The following NCAPD2 variants were observed in gnomAD, a reference collection of about 807,000 sequenced individuals.
NCAPD2 encodes the protein non-SMC condensin I complex subunit D2, also known as condensin complex subunit 1.
Under a neutral mutation model 164.5 loss-of-function variants are expected in NCAPD2, and 100 were observed. The observed-to-expected ratio is 0.61, with a 90% CI of 0.52 to 0.72. The LOEUF (loss-of-function observed/expected upper bound fraction) is 0.72. NCAPD2 is among the 30% of genes least tolerant of loss of function. NCAPD2 has a pLI of 0.00. For synonymous variants in NCAPD2, 585 were observed against 642.6 expected (o/e 0.91, Z 1.36); for missense variants, 1,560 against 1,749.2 (o/e 0.89, Z 1.93).
chr12:6,509,407 G>A (rs534381695), intron 2 of NCAPD2, among the ~76,000 whole-genome samples: 3 of 152,058 alleles, frequency 2.0e-5, no homozygotes, highest in African/African-American at 7.2e-5. Flanking sequence ...GATTACAGGC[G>A]CCTGCTACCA....
chr12:6,520,473 G>A (rs1946254366), intron 13 of NCAPD2, among the ~76,000 whole-genome samples: 1 of 145,954 alleles, frequency 6.9e-6, no homozygotes, highest in Non-Finnish European at 1.5e-5. Flanking sequence ...CACACCCACA[G>A]GCACACACCA....
At chr12:6,518,531 T>TTTTTTTA (rs1298158383) in intron 13 of NCAPD2, among the ~76,000 whole-genome samples, 5 of 137,026 alleles carry the variant, frequency 3.6e-5, no homozygotes, top group Non-Finnish European at 7.7e-5. Context: ...TTTTTTTTTT[T>TTTTTTTA]TTTGAGATGG....
At chr12:6,519,764 A>G (rs956814532) in intron 13 of NCAPD2, among the ~76,000 whole-genome samples, 5 of 151,914 alleles carry the variant, frequency 3.3e-5, no homozygotes, top group African/African-American at 1.2e-4. Context: ...GCTACTTGGG[A>G]GGCTGAGGCA....
chr12:6,519,355 G>C (rs1160334600), intron 13 of NCAPD2, among the ~76,000 whole-genome samples: 1 of 151,730 alleles, frequency 6.6e-6, no homozygotes, highest in African/African-American at 2.4e-5. Context: ...ATTAGAAAAG[G>C]ATTGTTTGTT....
At chr12:6,526,245 G>A in intron 19 of NCAPD2, 42 bp from the exon 20 acceptor site, 4 of 1,614,128 alleles carry the variant, frequency 2.5e-6, no homozygotes, top group Non-Finnish European at 3.4e-6. Context: ...AGATTCTCGT[G>A]TCCACCCTGT....
At chr12:6,518,503 A>ATTTTTTTTTTTTTTTTTTTTT (rs1565544079) in intron 13 of NCAPD2, among the ~76,000 whole-genome samples, 1 of 30,714 alleles carries the variant, frequency 3.3e-5, no homozygotes, top group Non-Finnish European at 5.9e-5. Context: ...GCCGTCAACA[A>ATTTTTTTTTTTTTTTTTTTTT]GTTTTTTTTT....
At chr12:6,520,191 A>AAAAT (rs1555139807) in intron 13 of NCAPD2, among the ~76,000 whole-genome samples, 1 of 149,520 alleles carries the variant, frequency 6.7e-6, no homozygotes, top group African/African-American at 2.5e-5. Context: ...TAAAAAAAAA[A>AAAAT]ATATATATAT....
rs73042367 is a variant in NCAPD2, at chr12:6,495,028, G to C, written c.-23-48G>C. On this transcript the variant is annotated intron_variant, in intron 1 of 31. Transcript: ENST00000315579. ...GGAAAGTAATAGAACCAGATACGAA[G>C]ACAGGTCTTGAATATAGACCCTGAC... 4,334 of 1,575,912 alleles carry C rather than the reference G, an allele frequency of 2.8e-3. 12 individuals carry two copies. Among genetic ancestry groups the C allele is most frequent in the Middle Eastern group, 0.014 (82 of 5,808 alleles).
chr12:6,522,667 A>G (rs1039543683), intron 15 of NCAPD2, among the ~76,000 whole-genome samples, 161 bp from the exon 16 acceptor site: 3 of 152,164 alleles, frequency 2.0e-5, no homozygotes, highest in Admixed American at 2.0e-4. Context: ...ATTTTAATGC[A>G]TATAGTATTT....
rs77124462 is a variant in NCAPD2 at position 6,515,087 on chromosome 12, G to A, written c.987+167G>A. Among the ~76,000 whole-genome samples, 63 of 152,302 alleles carry A rather than the reference G, an allele frequency of 4.1e-4. No individual in the cohort carries two copies. The East Asian group carries it at 0.012, about 28-fold the overall frequency. On this transcript the variant is annotated intron_variant, in intron 9 of 31. Coordinates refer to ENST00000315579, the MANE Select transcript of NCAPD2 (RefSeq NM_014865.4). ...GCAGGTCAAGTTTGTTGAATAAGGA[G>A]CTCTTTATTAATCTGTTAATCTTTC... is the stretch of plus-strand genomic sequence containing the variant.
intron 4 of NCAPD2, 45 bp downstream of exon 4, chr12:6,510,178 G>A (rs769736670): frequency 1.6e-5 from 24 of 1,521,484 alleles, no homozygotes; most frequent in Admixed American, 6.7e-5. Flanking sequence ...GTTTGTTATC[G>A]TTTGTTTGTT....
chr12:6,522,068 C>T lies in NCAPD2; in HGVS notation c.1954+31C>T, dbSNP rs199750346. ...CCAGAGTCCCTTTCTATAAGGACAG[C>T]CTTGGGGTTCTTTTGGATTTTTTAA... On this transcript the variant is annotated intron_variant, in intron 15 of 31. Transcript: ENST00000315579. 309 of 1,579,440 alleles carry T rather than the reference C, an allele frequency of 2.0e-4. 1 individual carries two copies. Among genetic ancestry groups the T allele is most frequent in the Admixed American group, 7.3e-4 (38 of 52,110 alleles).
At chr12:6,518,504 G>GTTTTTTTTTTTTTGTTTTTTTTT (rs1946227029) in intron 13 of NCAPD2, among the ~76,000 whole-genome samples, 1 of 44,774 alleles carries the variant, frequency 2.2e-5, no homozygotes, top group African/African-American at 1.0e-4. Context: ...CCGTCAACAA[G>GTTTTTTTTTTTTTGTTTTTTTTT]TTTTTTTTTT....
Position 6,531,122 on chromosome 12 carries a change from G to A in NCAPD2, c.4120+46G>A. 1 of 1,608,494 alleles carries A rather than the reference G, an allele frequency of 6.2e-7. No homozygotes were observed. Among genetic ancestry groups the A allele is most frequent in the South Asian group, 1.1e-5 (1 of 90,634 alleles). On this transcript the variant is annotated intron_variant, in intron 31 of 31. Coordinates refer to ENST00000315579, the MANE Select transcript of NCAPD2 (RefSeq NM_014865.4). This position sits in a 1 kb window ranked among gnomAD's most constrained non-coding sequence, Gnocchi z 4.1. Reference sequence around the variant, plus strand: ...CCCGGCCGAGAAGGCACACAGCTAGGGTGCAGAGGGCTGGTTTCCATAGGA... The same window carrying A: ...CCCGGCCGAGAAGGCACACAGCTAGAGTGCAGAGGGCTGGTTTCCATAGGA...
At chr12:6,522,130 T>G (rs1946269160) in intron 15 of NCAPD2, 93 bp downstream of exon 15, 2 of 1,382,002 alleles carry the variant, frequency 1.4e-6, no homozygotes, top group Non-Finnish European at 9.8e-7. Context: ...GATGGGGCCT[T>G]CCTTTGTTGC....
chr12:6,530,611 A>G lies in NCAPD2; in HGVS notation c.3838-80A>G, dbSNP rs1946361766. The G allele has an allele frequency of 5.7e-6, 9 of 1,578,334 alleles. 1 individual carries two copies. Among genetic ancestry groups the G allele is most frequent in the Middle Eastern group, 1.7e-4 (1 of 5,930 alleles). On this transcript the variant is annotated intron_variant, in intron 29 of 31. Transcript: ENST00000315579. ...TTAGTAATGTGCGTTTAAGGCCTCC[A>G]TGTCTTCCATGGCCTTGTTTCTTTT...
intron 2 of NCAPD2, among the ~76,000 whole-genome samples, chr12:6,498,451 CAGTAGGACCCTTATCCCAGG>C (rs1946003934): frequency 6.6e-6 from 1 of 152,134 alleles, no homozygotes; most frequent in South Asian, 2.1e-4. Flanking sequence ...ATATGTAGTA[CAGTAGGACCCTTATCCCAGG>C]AGATATATTC....
chr12:6,526,716 T>C, intron 21 of NCAPD2, 101 bp downstream of exon 21: 2 of 1,482,756 alleles, frequency 1.3e-6, no homozygotes, highest in Non-Finnish European at 1.8e-6. Flanking sequence ...ACCCTTAGTG[T>C]ACACTGTGTC....
Position 6,495,698 on chromosome 12 carries a change from G to A in NCAPD2, c.127+473G>A, listed in dbSNP as rs145734286. Among the ~76,000 whole-genome samples the A allele has an allele frequency of 2.6e-3, 400 of 152,284 alleles. 1 individual carries two copies. The highest frequency in any genetic ancestry group is 9.0e-3 in the African/African-American group (374 of 41,568). On this transcript the variant is annotated intron_variant, in intron 2 of 31. Transcript: ENST00000315579. ...TATATGTACAGTGCAGTCACCTACT[G>A]AAACCTGTAAATGATCAAAAGCACC... is the stretch of plus-strand genomic sequence containing the variant.
Sources: allele counts gnomAD v4.1 joint callset (sites outside exome capture counted in the v4.1 genomes callset), GRCh38; gene constraint gnomAD v4.1.1; non-coding constraint Gnocchi (gnomAD v3.1); transcripts MANE v1.5; gene names NCBI Gene and HGNC (gene_info 2026-07-23, HGNC 2026-07-21).